The following CEP63 variants were observed in gnomAD, a reference collection of about 807,000 sequenced individuals.
The protein encoded by CEP63 is centrosomal protein of 63 kDa.
A neutral mutation model predicts 89.1 loss-of-function variants in CEP63; 84 were observed. That is an observed-to-expected ratio of 0.94 (90% confidence interval 0.79 to 1.13). The LOEUF (loss-of-function observed/expected upper bound fraction) is 1.13, where lower values mean the gene tolerates loss of function less well. Ranked by LOEUF, CEP63 falls within the 50% of genes most tolerant of loss-of-function variation. The pLI is 0.00. For missense variants in CEP63, 838 were observed against 813.3 expected, an observed-to-expected ratio of 1.03 and a Z score of -0.37; for synonymous variants, 267 against 272.5, an observed-to-expected ratio of 0.98 and a Z score of 0.20.
chr3:134,736,473 A>T, the CEP63 span, among the ~76,000 whole-genome samples: 1 of 152,200 alleles, frequency 6.6e-6, no homozygotes, highest in African/African-American at 2.4e-5. Flanking sequence ...GTTGTTAGAC[A>T]CAAATGTACA....
At chr3:134,507,545 C>T (rs763838748) in intron 3 of CEP63, among the ~76,000 whole-genome samples, 5 of 151,720 alleles carry the variant, frequency 3.3e-5, no homozygotes, top group Non-Finnish European at 5.9e-5. Context: ...AAAAGGGTAC[C>T]ACACATTGTT....
intron 14 of CEP63, among the ~76,000 whole-genome samples, chr3:134,559,898 G>C (rs760949589): frequency 1.6e-4 from 24 of 152,226 alleles, no homozygotes; most frequent in Non-Finnish European, 3.2e-4. Context: ...GGCAGAATGT[G>C]CCTTGGACAC....
the CEP63 span, among the ~76,000 whole-genome samples, chr3:134,759,383 G>A: frequency 2.0e-5 from 3 of 152,144 alleles, no homozygotes; most frequent in Non-Finnish European, 2.9e-5. Flanking sequence ...TGTCTCTGGC[G>A]TCATCACCCA....
the CEP63 span, among the ~76,000 whole-genome samples, chr3:134,730,048 G>A: frequency 6.6e-6 from 1 of 152,182 alleles, no homozygotes; most frequent in Non-Finnish European, 1.5e-5. Context: ...AGAGGTCAGG[G>A]ACTTGCAAGG....
At chr3:134,619,354 C>G in the CEP63 span, 2 of 975,476 alleles carry the variant, frequency 2.1e-6, no homozygotes, top group African/African-American at 3.2e-5. Flanking sequence ...CTGGCCATCA[C>G]CAGCCCCAGG....
intron 6 of CEP63, among the ~76,000 whole-genome samples, chr3:134,538,991 A>G (rs1052180918): frequency 6.6e-6 from 1 of 152,134 alleles, no homozygotes; most frequent in Non-Finnish European, 1.5e-5. Flanking sequence ...TTTTCCTACT[A>G]AGGGTGTTTG....
chr3:134,612,101 G>C, the CEP63 span, among the ~76,000 whole-genome samples: 1 of 152,170 alleles, frequency 6.6e-6, no homozygotes, highest in Non-Finnish European at 1.5e-5. Context: ...CGGGCCACTA[G>C]TGCTGAGGTT....
chr3:134,507,406 T>G (rs754274449), intron 3 of CEP63, 120 bp downstream of exon 3: 10 of 716,766 alleles, frequency 1.4e-5, no homozygotes, highest in Non-Finnish European at 2.3e-5. Flanking sequence ...TTGTTTTTTA[T>G]TATAATTCTG....
chr3:134,568,394 A>G (rs9850930), downstream of CEP63, among the ~76,000 whole-genome samples: 30,871 of 152,148 alleles, frequency 0.2, 3,379 homozygotes, highest in African/African-American at 0.29. Context: ...CTTCAGCCAC[A>G]GGCAAGCATA....
the CEP63 span, among the ~76,000 whole-genome samples, chr3:134,767,568 A>G: frequency 6.6e-6 from 1 of 152,168 alleles, no homozygotes; most frequent in Non-Finnish European, 1.5e-5. Flanking sequence ...AATTCTGAAT[A>G]GCTGTTTCGC....
chr3:134,532,232 C>T (rs985086020), intron 4 of CEP63, among the ~76,000 whole-genome samples: 1 of 152,118 alleles, frequency 6.6e-6, no homozygotes, highest in Non-Finnish European at 1.5e-5. Flanking sequence ...CCAAAAATTA[C>T]ATTTAATATT....
chr3:134,668,847 A>G, the CEP63 span, among the ~76,000 whole-genome samples: 1 of 152,044 alleles, frequency 6.6e-6, no homozygotes, highest in Non-Finnish European at 1.5e-5. Context: ...CACCATGTCC[A>G]TCTCTGCCAC....
the CEP63 span, among the ~76,000 whole-genome samples, chr3:134,679,968 C>T: frequency 6.6e-6 from 1 of 152,184 alleles, no homozygotes; most frequent in African/African-American, 2.4e-5. Context: ...ATGCCAGCCA[C>T]CTGCCTTGGC....
At chr3:134,532,462 C>T (rs556750364) in intron 4 of CEP63, among the ~76,000 whole-genome samples, 8 of 152,246 alleles carry the variant, frequency 5.3e-5, no homozygotes, top group Non-Finnish European at 1.0e-4. Context: ...GAATCACAGA[C>T]CTAGAGGAAA....
chr3:134,591,400 T>C (rs1345387129), downstream of CEP63, among the ~76,000 whole-genome samples: 3 of 152,198 alleles, frequency 2.0e-5, no homozygotes, highest in Non-Finnish European at 4.4e-5. Context: ...GGAAATTCAT[T>C]GAATTATGTC....
intron 12 of CEP63, chr3:134,552,449 C>T (rs560902393): frequency 2.6e-4 from 40 of 153,498 alleles, no homozygotes; most frequent in South Asian, 1.2e-3. Context: ...GTGATCTGCC[C>T]GCCTCAGCCT....
At chr3:134,604,859 A>G in the CEP63 span, among the ~76,000 whole-genome samples, 1 of 152,192 alleles carries the variant, frequency 6.6e-6, no homozygotes, top group Non-Finnish European at 1.5e-5. Context: ...ATCTCCCCCA[A>G]GTCTCAGGTC....
chr3:134,494,341 C>G (rs1938956355), intron 1 of CEP63, among the ~76,000 whole-genome samples: 1 of 151,528 alleles, frequency 6.6e-6, no homozygotes. Context: ...GTCTCAAACT[C>G]CTGACCTCAG....
At chr3:134,488,341 C>T (rs111308673) in intron 1 of CEP63, among the ~76,000 whole-genome samples, 178 of 152,212 alleles carry the variant, frequency 1.2e-3, no homozygotes, top group African/African-American at 4.0e-3. Flanking sequence ...TGGCCGGGCG[C>T]GGTGACTCAC....
Sources: gnomAD v4.1 joint callset for allele counts (sites outside exome capture counted in the v4.1 genomes callset) on GRCh38, gnomAD v4.1.1 for gene constraint, MANE v1.5 for transcripts, NCBI Gene and HGNC (gene_info 2026-07-23, HGNC 2026-07-21) for gene names.